SH3GL2: variants seen among roughly 807,000 people sequenced by gnomAD.
SH3GL2 encodes the protein endophilin-A1.
A neutral mutation model predicts 46.0 loss-of-function variants in SH3GL2; 24 were observed. That is an observed-to-expected ratio of 0.52 (90% CI 0.38 to 0.73). The LOEUF (loss-of-function observed/expected upper bound fraction) is 0.73, where lower values mean the gene tolerates loss of function less well. Ranked by LOEUF, SH3GL2 falls within the 30% of genes least tolerant of loss-of-function variation. The probability of loss-of-function intolerance (pLI) is 0.00; values close to 1 mark genes in which losing one functional copy is unlikely to be tolerated. For synonymous variants in SH3GL2, 196 were observed against 147.1 expected (o/e 1.33, Z -2.40); for missense variants, 413 against 424.2 (o/e 0.97, Z 0.23).
chr9:17,690,868 C>T (rs979023095), intron 1 of SH3GL2, among the ~76,000 whole-genome samples: 1 of 152,106 alleles, frequency 6.6e-6, no homozygotes, highest in Admixed American at 6.6e-5. Context: ...AAGCTTAACC[C>T]AGAGTCCTCT....
chr9:17,612,606 A>G (rs1427641582), intron 1 of SH3GL2, among the ~76,000 whole-genome samples: 1 of 152,136 alleles, frequency 6.6e-6, no homozygotes, highest in East Asian at 1.9e-4. Flanking sequence ...GATGCATTTC[A>G]CTTGTGTATG....
chr9:17,756,287 T>C lies in SH3GL2; in HGVS notation c.115-5150T>C, dbSNP rs12002302. ...ATTACCTAAAAAACATGCCTGTATC[T>C]GTATATATTTACAGTTTCACTTTCT... is the stretch of plus-strand genomic sequence containing the variant. On this transcript the variant is annotated intron_variant, in intron 2 of 8. Coordinates refer to ENST00000380607, the MANE Select transcript of SH3GL2 (RefSeq NM_003026.5). 4.6e-3 allele frequency among the ~76,000 whole-genome samples: 707 copies of C among 152,312 alleles called. 4 individuals are homozygous for C. The highest frequency in any genetic ancestry group is 0.016 in the African/African-American group (681 of 41,578).
chr9:17,656,850 T>A (rs909044745), intron 1 of SH3GL2, among the ~76,000 whole-genome samples: 1 of 151,412 alleles, frequency 6.6e-6, no homozygotes, highest in Non-Finnish European at 1.5e-5. Context: ...ACTTGACACG[T>A]TAAAGTGTAC....
chr9:17,730,128 T>C (rs560762560), intron 1 of SH3GL2, among the ~76,000 whole-genome samples: 1 of 152,278 alleles, frequency 6.6e-6, no homozygotes, highest in Admixed American at 6.5e-5. Context: ...GTGTCCTCTC[T>C]TATTTCCTTG....
intron 3 of SH3GL2, among the ~76,000 whole-genome samples, chr9:17,773,618 A>G (rs1823557747): frequency 1.3e-5 from 2 of 152,114 alleles, no homozygotes; most frequent in South Asian, 2.1e-4. Flanking sequence ...TTGACCGTGT[A>G]TGCAAGAGTT....
intron 3 of SH3GL2, among the ~76,000 whole-genome samples, chr9:17,770,611 C>T (rs940929663): frequency 6.6e-6 from 1 of 152,130 alleles, no homozygotes; most frequent in Non-Finnish European, 1.5e-5. Flanking sequence ...ATTATATGGC[C>T]AAATCGATGG....
chr9:17,581,324 G>C (rs941046023), intron 1 of SH3GL2, among the ~76,000 whole-genome samples: 8 of 152,172 alleles, frequency 5.3e-5, no homozygotes, highest in Admixed American at 5.2e-4. Context: ...GATGCGATAC[G>C]GTTAATGTTT....
intron 1 of SH3GL2, among the ~76,000 whole-genome samples, chr9:17,671,930 A>G (rs925761420): frequency 1.3e-5 from 2 of 152,218 alleles, no homozygotes; most frequent in African/African-American, 4.8e-5. Flanking sequence ...GTGTTACCTC[A>G]ACAAAGATTG....
intron 2 of SH3GL2, among the ~76,000 whole-genome samples, chr9:17,756,077 C>G (rs527334293): frequency 6.6e-6 from 1 of 152,228 alleles, no homozygotes; most frequent in Admixed American, 6.5e-5. Flanking sequence ...CTTGCCAATG[C>G]TGTCAAAACA....
intron 1 of SH3GL2, among the ~76,000 whole-genome samples, chr9:17,721,349 T>G (rs73645155): frequency 0.044 from 6,627 of 152,232 alleles, 246 homozygotes; most frequent in African/African-American, 0.097. Context: ...AAACAATCTA[T>G]ATTCTCTCAC....
At chr9:17,672,434 A>G (rs1376572334) in intron 1 of SH3GL2, among the ~76,000 whole-genome samples, 2 of 152,162 alleles carry the variant, frequency 1.3e-5, no homozygotes, top group Non-Finnish European at 2.9e-5. Flanking sequence ...AGGTTAGAGA[A>G]TAGGGTGGCT....
intron 1 of SH3GL2, among the ~76,000 whole-genome samples, chr9:17,738,626 T>TTATATATATA (rs368436353): frequency 0.16 from 11,983 of 74,004 alleles, 1,292 homozygotes; most frequent in Non-Finnish European, 0.18. Flanking sequence ...TCATGTGATT[T>TTATATATATA]TATATATATA....
chr9:17,746,331 C>T (rs13291891), intron 1 of SH3GL2, among the ~76,000 whole-genome samples: 23,202 of 152,196 alleles, frequency 0.15, 2,322 homozygotes, highest in Middle Eastern at 0.25. Context: ...CCGCCTCGGC[C>T]TCCCAAAGTG....
chr9:17,622,548 A>G (rs1819168198), intron 1 of SH3GL2, among the ~76,000 whole-genome samples: 1 of 152,190 alleles, frequency 6.6e-6, no homozygotes, highest in Non-Finnish European at 1.5e-5. Flanking sequence ...ATGTTTCATC[A>G]TAGGTGTCCA....
intron 1 of SH3GL2, among the ~76,000 whole-genome samples, chr9:17,648,337 A>G (rs1298787827): frequency 6.6e-6 from 1 of 152,080 alleles, no homozygotes; most frequent in Non-Finnish European, 1.5e-5. Flanking sequence ...CAAAGATGAG[A>G]TTAACGCTGT....
chr9:17,628,414 GTGTGTGT>G (rs1563788935), intron 1 of SH3GL2, among the ~76,000 whole-genome samples: 2,983 of 35,128 alleles, frequency 0.085, 99 homozygotes, highest in African/African-American at 0.2. Context: ...TATCTTGGGT[GTGTGTGT>G]GTGTGTGTGT....
At chr9:17,579,450 C>A (rs1818232686) in intron 1 of SH3GL2, among the ~76,000 whole-genome samples, 163 bp downstream of exon 1, 1 of 151,852 alleles carries the variant, frequency 6.6e-6, no homozygotes, top group South Asian at 2.1e-4. Context: ...CGGGGCATCC[C>A]CGGTCTGGGC....
intron 1 of SH3GL2, among the ~76,000 whole-genome samples, chr9:17,743,810 C>T (rs565565351): frequency 6.6e-6 from 1 of 152,276 alleles, no homozygotes; most frequent in East Asian, 1.9e-4. Flanking sequence ...GTGATGTAGG[C>T]CCTTGTGCTT....
chr9:17,694,793 G>T (rs1043416800), intron 1 of SH3GL2, among the ~76,000 whole-genome samples: 2 of 152,124 alleles, frequency 1.3e-5, no homozygotes, highest in Non-Finnish European at 2.9e-5. Context: ...TTAAATAATT[G>T]AGTTAAATGT....
Sources: gnomAD v4.1 joint callset for allele counts (sites outside exome capture counted in the v4.1 genomes callset) on GRCh38, gnomAD v4.1.1 for gene constraint, MANE v1.5 for transcripts, NCBI Gene and HGNC (gene_info 2026-07-23, HGNC 2026-07-21) for gene names.